The following LRRC37A2 variants were observed in gnomAD, a reference collection of about 807,000 sequenced individuals.
LRRC37A2 encodes the protein leucine rich repeat containing 37 member A2, also known as leucine-rich repeat-containing protein 37A2.
LRRC37A2 carries 9 observed loss-of-function variants against 68.8 expected under a neutral mutation model. The observed-to-expected ratio is 0.13, with a 90% CI of 0.08 to 0.23. The LOEUF (loss-of-function observed/expected upper bound fraction) is 0.23. Among genes scored for constraint, LRRC37A2 ranks in the 10% least tolerant of loss-of-function variants. LRRC37A2 has a pLI of 1.00. For missense variants in LRRC37A2, 168 were observed against 950.4 expected (o/e 0.18, Z 10.82); for synonymous variants, 63 against 367.6 (o/e 0.17, Z 9.48).
the LRRC37A2 span, among the ~76,000 whole-genome samples, chr17:46,907,465 C>A: frequency 2.0e-5 from 3 of 151,794 alleles, no homozygotes; most frequent in Non-Finnish European, 4.4e-5. Flanking sequence ...TCTGCTCTTA[C>A]CTGAGCATCT....
the LRRC37A2 span, among the ~76,000 whole-genome samples, chr17:46,848,001 T>G: frequency 7.0e-6 from 1 of 142,712 alleles, no homozygotes; most frequent in Non-Finnish European, 1.6e-5. Flanking sequence ...TGTGTGCACG[T>G]GCATGTGTGC....
At chr17:46,825,270 C>G in the LRRC37A2 span, among the ~76,000 whole-genome samples, 5 of 152,178 alleles carry the variant, frequency 3.3e-5, no homozygotes, top group African/African-American at 1.2e-4. Context: ...TTCCACTCCC[C>G]TGTGTATGGG....
the LRRC37A2 span, among the ~76,000 whole-genome samples, chr17:47,020,501 T>C: frequency 1.3e-5 from 2 of 150,540 alleles, no homozygotes; most frequent in African/African-American, 2.5e-5. Flanking sequence ...GGGAAGAGGC[T>C]GGGTGTGGTG....
chr17:46,708,820 A>AT, the LRRC37A2 span, among the ~76,000 whole-genome samples: 269 of 98,466 alleles, frequency 2.7e-3, 1 homozygote, highest in African/African-American at 0.01. Flanking sequence ...ATATATATAT[A>AT]TATTTTTTTT....
chr17:46,789,232 G>T, the LRRC37A2 span, among the ~76,000 whole-genome samples: 2 of 152,160 alleles, frequency 1.3e-5, no homozygotes, highest in Non-Finnish European at 2.9e-5. Flanking sequence ...ACACCTGATA[G>T]CACTGGCCAC....
chr17:47,041,449 T>A, the LRRC37A2 span, among the ~76,000 whole-genome samples: 1 of 86,286 alleles, frequency 1.2e-5, no homozygotes, highest in Non-Finnish European at 2.3e-5. Context: ...TTTTTGGATG[T>A]CTCTTTTTTT....
chr17:46,529,343 C>T (rs1288815939), intron 6 of LRRC37A2, among the ~76,000 whole-genome samples: 243 of 92,330 alleles, frequency 2.6e-3, no homozygotes, highest in Admixed American at 9.7e-3. Flanking sequence ...TAGAGCAGTA[C>T]TTCTTAAACT....
chr17:46,858,919 G>A, the LRRC37A2 span, among the ~76,000 whole-genome samples: 1,515 of 151,812 alleles, frequency 1.0e-2, 21 homozygotes, highest in African/African-American at 0.035. Context: ...CTCCTGCCTC[G>A]GCCTCTCAAA....
the LRRC37A2 span, chr17:46,932,273 C>T: frequency 1.3e-6 from 2 of 1,575,102 alleles, no homozygotes; most frequent in Non-Finnish European, 1.7e-6. Flanking sequence ...TCTCTGAGCG[C>T]CATCTGTTTT....
chr17:46,612,193 C>A, the LRRC37A2 span, among the ~76,000 whole-genome samples: 7 of 102,556 alleles, frequency 6.8e-5, 1 homozygote, highest in East Asian at 2.7e-3. Context: ...ACACTTTACA[C>A]CCTCTAGGAT....
the LRRC37A2 span, among the ~76,000 whole-genome samples, chr17:46,844,305 CTTTTTTTT>C: frequency 0.22 from 27,718 of 127,656 alleles, 3,287 homozygotes; most frequent in East Asian, 0.53. Flanking sequence ...AGTTAGCCAC[CTTTTTTTT>C]TTTTTTTTTT....
At chr17:46,941,747 T>G in the LRRC37A2 span, 1 of 175,226 alleles carries the variant, frequency 5.7e-6, no homozygotes, top group Non-Finnish European at 1.1e-5. Context: ...CTAATTTTTT[T>G]TTTTTTTTTG....
chr17:46,762,253 G>A, the LRRC37A2 span, among the ~76,000 whole-genome samples: 1 of 152,204 alleles, frequency 6.6e-6, no homozygotes, highest in Non-Finnish European at 1.5e-5. Context: ...AAATGAATTA[G>A]TACACAAGTT....
Position 46,543,686 on chromosome 17 carries a change from T to A in LRRC37A2, c.3054-2569T>A, listed in dbSNP as rs2667843. On this transcript the variant is annotated intron_variant, in intron 8 of 14. Coordinates refer to ENST00000576629, the Ensembl canonical transcript of LRRC37A2. The stretch of plus-strand genomic sequence containing the variant: ...GTATAGACATACACACACGGAAAGC[T>A]AATGTGGCAAAGTATTAGCAACTAC... 2.6e-3 allele frequency among the ~76,000 whole-genome samples: 389 copies of A among 150,924 alleles called. 20 individuals are homozygous for A. Among genetic ancestry groups the A allele is most frequent in the African/African-American group, 9.2e-3 (371 of 40,284 alleles).
chr17:46,750,498 C>T, the LRRC37A2 span, among the ~76,000 whole-genome samples: 1 of 152,196 alleles, frequency 6.6e-6, no homozygotes, highest in African/African-American at 2.4e-5. Context: ...CATGTTGGCA[C>T]TCAGAAAGTT....
chr17:46,953,035 ATTTTTTAT>A, the LRRC37A2 span, among the ~76,000 whole-genome samples: 1 of 151,730 alleles, frequency 6.6e-6, no homozygotes, highest in East Asian at 1.9e-4. Context: ...TTTTATTATT[ATTTTTTAT>A]TTTTTTATTT....
chr17:46,894,383 C>T, the LRRC37A2 span, among the ~76,000 whole-genome samples: 4 of 152,184 alleles, frequency 2.6e-5, no homozygotes, highest in Admixed American at 2.0e-4. Context: ...TTGGGTTTTG[C>T]CAGGCCTCAT....
the LRRC37A2 span, among the ~76,000 whole-genome samples, chr17:46,813,599 G>T: frequency 6.6e-6 from 1 of 151,892 alleles, no homozygotes; most frequent in African/African-American, 2.4e-5. Context: ...AAAAGGTTCT[G>T]CTCAACTCCT....
the LRRC37A2 span, among the ~76,000 whole-genome samples, chr17:46,752,973 T>C: frequency 6.6e-6 from 1 of 152,202 alleles, no homozygotes; most frequent in African/African-American, 2.4e-5. Flanking sequence ...TTCACCATGT[T>C]GGCCAAGCCG....
Sources: allele counts gnomAD v4.1 joint callset (sites outside exome capture counted in the v4.1 genomes callset), GRCh38; gene constraint gnomAD v4.1.1; transcripts MANE v1.5; gene names NCBI Gene and HGNC (gene_info 2026-07-23, HGNC 2026-07-21).